The following CLYBL variants were observed in gnomAD, a reference collection of about 807,000 sequenced individuals.
The protein encoded by CLYBL is citramalyl-CoA lyase, mitochondrial.
In CLYBL, 31 loss-of-function variants were observed where a neutral mutation model predicts 38.9. The observed-to-expected ratio is 0.80, with a 90% confidence interval of 0.60 to 1.08. CLYBL has a LOEUF of 1.08. Ranked by LOEUF, CLYBL falls within the 50% of genes least tolerant of loss-of-function variation. The pLI is 0.00. For synonymous variants in CLYBL, 171 were observed against 158.6 expected (o/e 1.08, Z -0.59); for missense variants, 434 against 411.6 (o/e 1.05, Z -0.47).
chr13:99,729,231 T>C (rs996464373), intron 1 of CLYBL, among the ~76,000 whole-genome samples: 3 of 152,262 alleles, frequency 2.0e-5, no homozygotes, highest in African/African-American at 7.2e-5. Context: ...TGCTGTGTTA[T>C]GCCTGACACA....
chr13:99,757,580 A>G (rs999863956), intron 1 of CLYBL, among the ~76,000 whole-genome samples: 5 of 151,966 alleles, frequency 3.3e-5, no homozygotes, highest in Admixed American at 6.6e-5. Context: ...CTTGGCTGCC[A>G]TTGTAGCTGG....
intron 2 of CLYBL, among the ~76,000 whole-genome samples, chr13:99,781,405 C>T (rs906855241): frequency 4.6e-5 from 7 of 151,360 alleles, no homozygotes; most frequent in African/African-American, 7.3e-5. Flanking sequence ...CTCCTGACCT[C>T]GTGATCTGCC....
chr13:99,832,564 T>C (rs1477154885), intron 2 of CLYBL, among the ~76,000 whole-genome samples: 1 of 152,132 alleles, frequency 6.6e-6, no homozygotes, highest in Non-Finnish European at 1.5e-5. Flanking sequence ...ATATTTAAAT[T>C]TATGTAAAAA....
At position 99,883,518 on chromosome 13, in the gene CLYBL, C is replaced by CAAA. The variant is rs199528877; in HGVS notation, c.928-7786_928-7784dup. On this transcript the variant is annotated intron_variant, in intron 7 of 8. Coordinates refer to ENST00000339105, the MANE Select transcript of CLYBL (RefSeq NM_206808.5). ...TGGGCAACAGGGCTAGACTCCATCT[C>CAAA]AAAAAAAAAAAAAAAATAGCAGAAC... 6.3e-3 allele frequency among the ~76,000 whole-genome samples: 828 copies of CAAA among 130,892 alleles called. 9 individuals are homozygous for CAAA. Among genetic ancestry groups the CAAA allele is most frequent in the African/African-American group, 0.02 (714 of 36,300 alleles). 85.9% of individuals were successfully genotyped at this position (130,892 alleles called of 152,430 possible). A position where few individuals can be genotyped will look rare whatever the true frequency, so the allele number is the denominator to read the frequency against.
At chr13:99,670,211 G>A (rs920716364) in intron 1 of CLYBL, among the ~76,000 whole-genome samples, 20 of 151,792 alleles carry the variant, frequency 1.3e-4, no homozygotes, top group Non-Finnish European at 2.1e-4. Context: ...AAAAAAAAGA[G>A]CTAGGTGCAG....
chr13:99,715,750 T>A (rs1333834201), intron 1 of CLYBL, among the ~76,000 whole-genome samples: 1 of 152,150 alleles, frequency 6.6e-6, no homozygotes, highest in Non-Finnish European at 1.5e-5. Flanking sequence ...TGTTCCAGAG[T>A]CCTGTGGTAG....
chr13:99,827,508 G>C (rs2139058659), intron 2 of CLYBL, among the ~76,000 whole-genome samples: 1 of 152,260 alleles, frequency 6.6e-6, no homozygotes, highest in South Asian at 2.1e-4. Flanking sequence ...CCCCGCTGCA[G>C]AAAGAAACTG....
At position 99,755,820 on chromosome 13, in the gene CLYBL, G is replaced by C. The variant is rs185065249; in HGVS notation, c.63-17004G>C. Among the ~76,000 whole-genome samples, 97 of 152,256 alleles carry C rather than the reference G, an allele frequency of 6.4e-4. 1 individual carries two copies. Among genetic ancestry groups the C allele is most frequent in the African/African-American group, 2.2e-3 (93 of 41,540 alleles). On this transcript the variant is annotated intron_variant, in intron 1 of 8. Transcript: ENST00000339105. The stretch of plus-strand genomic sequence containing the variant: ...ACTGTCCTGCATGTTCCTGGGATGG[G>C]GGAGTAGACCAGGCAGAACCTTCAG...
intron 8 of CLYBL, among the ~76,000 whole-genome samples, chr13:99,904,559 G>A (rs1006209327): frequency 6.6e-6 from 1 of 152,184 alleles, no homozygotes; most frequent in Non-Finnish European, 1.5e-5. Flanking sequence ...AATGTCTCAT[G>A]CTATAATTTT....
chr13:99,805,656 A>C (rs1024087266), intron 2 of CLYBL, among the ~76,000 whole-genome samples: 2 of 152,170 alleles, frequency 1.3e-5, no homozygotes, highest in Non-Finnish European at 2.9e-5. Context: ...TGCATCCATT[A>C]ACTTATTTAA....
rs554514356 is a variant in CLYBL, at chr13:99,619,701, T to C, written c.62+12944T>C. Reference sequence around the variant, plus strand: ...GCTGACCCGCAGTTGGCCCTTGACCTTGTTCAAGGCCCTTATCTAGATTGT... The same window carrying C: ...GCTGACCCGCAGTTGGCCCTTGACCCTGTTCAAGGCCCTTATCTAGATTGT... On this transcript the variant is annotated intron_variant, in intron 1 of 8. Coordinates refer to ENST00000339105, the MANE Select transcript of CLYBL (RefSeq NM_206808.5). Among the ~76,000 whole-genome samples, 98 of 152,316 alleles carry C rather than the reference T, an allele frequency of 6.4e-4. 1 individual carries two copies. In the South Asian group the frequency reaches 0.019, roughly 30 times the overall value.
At chr13:99,875,813 G>A (rs2052024341) in intron 7 of CLYBL, among the ~76,000 whole-genome samples, 1 of 152,136 alleles carries the variant, frequency 6.6e-6, no homozygotes, top group African/African-American at 2.4e-5. Context: ...TAGTGAAAAT[G>A]AAAGATAAAG....
intron 2 of CLYBL, 37 bp downstream of exon 2, chr13:99,773,047 A>G (rs1415794794): frequency 1.9e-6 from 3 of 1,576,836 alleles, no homozygotes; most frequent in Non-Finnish European, 1.7e-6. Context: ...AAAGAAAGGT[A>G]TTGAAATTTG....
chr13:99,903,754 T>A (rs2052666239), intron 8 of CLYBL, among the ~76,000 whole-genome samples: 1 of 152,222 alleles, frequency 6.6e-6, no homozygotes, highest in African/African-American at 2.4e-5. Flanking sequence ...GAAATCTGAA[T>A]TTAGGAAGAA....
At chr13:99,871,149 A>C (rs747468531) in intron 7 of CLYBL, 87 bp downstream of exon 7, 2 of 1,447,232 alleles carry the variant, frequency 1.4e-6, no homozygotes, top group Non-Finnish European at 1.9e-6. Flanking sequence ...TGAATGGTTT[A>C]AGAAAACTCA....
At position 99,629,832 on chromosome 13, in the gene CLYBL, C is replaced by T. The variant is rs143033137; in HGVS notation, c.62+23075C>T. ...GGGTTCCTTTTTAAAGCCCACTTGTCGAGTCTTCTTTCTTTACAGAGGAGA... is the reference window on the plus strand; with the variant it reads ...GGGTTCCTTTTTAAAGCCCACTTGTTGAGTCTTCTTTCTTTACAGAGGAGA... On this transcript the variant is annotated intron_variant, in intron 1 of 8. Coordinates refer to ENST00000339105, the MANE Select transcript of CLYBL (RefSeq NM_206808.5). Among the ~76,000 whole-genome samples, 122 of 152,266 alleles carry T rather than the reference C, an allele frequency of 8.0e-4. 2 individuals are homozygous for T. The highest frequency in any genetic ancestry group is 1.2e-3 in the Non-Finnish European group (85 of 68,026).
intron 1 of CLYBL, among the ~76,000 whole-genome samples, chr13:99,731,658 G>A (rs561159530): frequency 1.8e-4 from 28 of 152,252 alleles, no homozygotes; most frequent in Non-Finnish European, 3.4e-4. Flanking sequence ...AGACAGAGGC[G>A]GAGGGTAGAT....
chr13:99,607,405 A>C (rs777969876), intron 1 of CLYBL, among the ~76,000 whole-genome samples: 3 of 152,186 alleles, frequency 2.0e-5, no homozygotes, highest in Non-Finnish European at 4.4e-5. Flanking sequence ...TTTTGAAGGA[A>C]ATATTTGAAA....
intron 2 of CLYBL, among the ~76,000 whole-genome samples, chr13:99,827,060 A>G (rs1276524060): frequency 6.6e-6 from 1 of 152,134 alleles, no homozygotes; most frequent in Admixed American, 6.5e-5. Context: ...CATTTCTGGA[A>G]CCCTTCATAT....
Sources: allele counts gnomAD v4.1 joint callset (sites outside exome capture counted in the v4.1 genomes callset), GRCh38; gene constraint gnomAD v4.1.1; transcripts MANE v1.5; gene names NCBI Gene and HGNC (gene_info 2026-07-23, HGNC 2026-07-21).